DOK6: variants seen among roughly 807,000 people sequenced by gnomAD.
The protein encoded by DOK6 is docking protein 6, also known as downstream of tyrosine kinase 6.
Under a neutral mutation model 44.0 loss-of-function variants are expected in DOK6, and 22 were observed. That is an observed-to-expected ratio of 0.50 (90% CI 0.36 to 0.71). DOK6 has a LOEUF of 0.71. DOK6 is among the 30% of genes least tolerant of loss of function. DOK6 has a pLI of 0.00. For missense variants in DOK6, 340 were observed against 416.4 expected, an observed-to-expected ratio of 0.82 and a Z score of 1.60; for synonymous variants, 166 against 145.5, an observed-to-expected ratio of 1.14 and a Z score of -1.01.
chr18:69,409,566 C>G (rs145495518), intron 1 of DOK6, among the ~76,000 whole-genome samples: 1 of 152,316 alleles, frequency 6.6e-6, no homozygotes, highest in African/African-American at 2.4e-5. Context: ...CACTCCCCAC[C>G]TCTGCACCAG....
intron 7 of DOK6, among the ~76,000 whole-genome samples, chr18:69,776,453 C>A (rs1192619639): frequency 6.6e-6 from 1 of 151,984 alleles, no homozygotes; most frequent in Non-Finnish European, 1.5e-5. Context: ...CATATTGGAA[C>A]TACACGATAA....
intron 1 of DOK6, among the ~76,000 whole-genome samples, chr18:69,531,136 G>T: frequency 6.7e-6 from 1 of 150,194 alleles, no homozygotes; most frequent in Non-Finnish European, 1.5e-5. Flanking sequence ...CCTTTATTTT[G>T]AGCCTTTGTG....
At chr18:69,820,570 A>G (rs1023761119) in intron 7 of DOK6, among the ~76,000 whole-genome samples, 1 of 152,178 alleles carries the variant, frequency 6.6e-6, no homozygotes, top group Non-Finnish European at 1.5e-5. Flanking sequence ...TTAACGCAGT[A>G]TTAACATATA....
intron 3 of DOK6, among the ~76,000 whole-genome samples, chr18:69,600,540 C>A (rs1228585431): frequency 6.6e-6 from 1 of 152,044 alleles, no homozygotes; most frequent in East Asian, 1.9e-4. Flanking sequence ...TTTTGTAATA[C>A]CCCCTGTCCC....
intron 1 of DOK6, among the ~76,000 whole-genome samples, chr18:69,535,036 CT>C (rs1282329855): frequency 2.0e-5 from 3 of 152,014 alleles, no homozygotes; most frequent in Non-Finnish European, 4.4e-5. Context: ...ATGTGCTTCC[CT>C]GTGTCTCAGT....
intron 5 of DOK6, among the ~76,000 whole-genome samples, chr18:69,717,434 C>A (rs371088408): frequency 6.6e-6 from 1 of 151,856 alleles, no homozygotes; most frequent in Non-Finnish European, 1.5e-5. Context: ...TTGCTTAGAG[C>A]GCATGGGTGA....
intron 1 of DOK6, among the ~76,000 whole-genome samples, chr18:69,428,001 C>T (rs189492277): frequency 4.5e-4 from 69 of 152,254 alleles, no homozygotes; most frequent in Admixed American, 9.8e-4. Context: ...TGGTCTCGAA[C>T]TCCTGTCCCC....
intron 1 of DOK6, among the ~76,000 whole-genome samples, chr18:69,418,479 G>C (rs1379931589): frequency 2.0e-5 from 3 of 151,962 alleles, no homozygotes; most frequent in Non-Finnish European, 4.4e-5. Context: ...TTCCTTTTTA[G>C]AGATAGGGCC....
rs1290984841 is a variant in DOK6 at position 69,604,266 on chromosome 18, C to A, written c.289+4768C>A. Among the ~76,000 whole-genome samples the A allele has an allele frequency of 2.6e-5, 4 of 152,228 alleles. No individual in the cohort carries two copies. The East Asian group carries it at 7.7e-4, about 29-fold the overall frequency. On this transcript the variant is annotated intron_variant, in intron 3 of 7. Coordinates refer to ENST00000382713, the MANE Select transcript of DOK6 (RefSeq NM_152721.6). ...TTAAAAATTTTCGAACACACAGAAACCTCTTGCTAACAAAGACTGTTTCTT... is the reference window on the plus strand; with the variant it reads ...TTAAAAATTTTCGAACACACAGAAAACTCTTGCTAACAAAGACTGTTTCTT...
At chr18:69,541,468 A>G (rs987565355) in intron 1 of DOK6, among the ~76,000 whole-genome samples, 1 of 151,514 alleles carries the variant, frequency 6.6e-6, no homozygotes, top group Admixed American at 6.6e-5. Context: ...ATTTCCAATC[A>G]TTTATGAGAG....
intron 1 of DOK6, among the ~76,000 whole-genome samples, chr18:69,487,231 G>C (rs8090336): frequency 0.073 from 10,987 of 150,234 alleles, 1,242 homozygotes; most frequent in African/African-American, 0.25. Context: ...GTCTGTCTGT[G>C]TGTGTGTGTG....
At chr18:69,749,298 A>G (rs2144746839) in intron 6 of DOK6, among the ~76,000 whole-genome samples, 1 of 152,310 alleles carries the variant, frequency 6.6e-6, no homozygotes, top group Non-Finnish European at 1.5e-5. Flanking sequence ...GTACCCCAGA[A>G]CTTAAAAATG....
At chr18:69,821,801 A>AAAC (rs1365509627) in intron 7 of DOK6, among the ~76,000 whole-genome samples, 1 of 113,378 alleles carries the variant, frequency 8.8e-6, no homozygotes, top group Admixed American at 9.2e-5. Flanking sequence ...TTTTTTTTTA[A>AAAC]AAAAAATCCT....
At chr18:69,719,382 G>A (rs1044650816) in intron 5 of DOK6, among the ~76,000 whole-genome samples, 1 of 152,202 alleles carries the variant, frequency 6.6e-6, no homozygotes, top group African/African-American at 2.4e-5. Context: ...CAGTTGGTCT[G>A]TCCTAATGCA....
chr18:69,422,515 C>A (rs1025170066), intron 1 of DOK6, among the ~76,000 whole-genome samples: 7 of 152,136 alleles, frequency 4.6e-5, no homozygotes, highest in African/African-American at 1.7e-4. Flanking sequence ...GTTAACACTG[C>A]CACTGTTTTC....
At position 69,783,627 on chromosome 18, in the gene DOK6, ATTTC is replaced by A. The variant is rs1980343793; in HGVS notation, c.856+25758_856+25761del. Among the ~76,000 whole-genome samples the A allele has an allele frequency of 2.0e-5, 3 of 152,200 alleles. No individual in the cohort carries two copies. In the South Asian group the frequency reaches 6.2e-4, roughly 32 times the overall value. On this transcript the variant is annotated intron_variant, in intron 7 of 7. Coordinates refer to ENST00000382713, the MANE Select transcript of DOK6 (RefSeq NM_152721.6). ...GGATTTTCTAGAGACAATTCAAGAT[ATTTC>A]TTTATTTTCTAAAATCACTTTGGAT...
At chr18:69,497,106 C>G (rs1178770617) in intron 1 of DOK6, among the ~76,000 whole-genome samples, 2 of 152,092 alleles carry the variant, frequency 1.3e-5, no homozygotes, top group Non-Finnish European at 2.9e-5. Context: ...TAGTATTGAC[C>G]ATCCATGCCA....
intron 3 of DOK6, among the ~76,000 whole-genome samples, chr18:69,620,174 T>C (rs1231693524): frequency 7.9e-5 from 12 of 152,172 alleles, no homozygotes; most frequent in Non-Finnish European, 1.8e-4. Flanking sequence ...TAGTAGACAC[T>C]TGTGATTACT....
intron 7 of DOK6, among the ~76,000 whole-genome samples, chr18:69,793,904 C>T (rs898247360): frequency 4.0e-5 from 6 of 151,892 alleles, no homozygotes; most frequent in Admixed American, 3.9e-4. Context: ...AAGTAAAAGC[C>T]ACACTCAACG....
Sources: allele counts gnomAD v4.1 joint callset (sites outside exome capture counted in the v4.1 genomes callset), GRCh38; gene constraint gnomAD v4.1.1; transcripts MANE v1.5; gene names NCBI Gene and HGNC (gene_info 2026-07-23, HGNC 2026-07-21).